Variants in ABLIM1 observed in about 807,000 individuals in gnomAD.
ABLIM1 encodes the protein actin-binding LIM protein 1.
Under a neutral mutation model 107.0 loss-of-function variants are expected in ABLIM1, and 40 were observed. That is an observed-to-expected ratio of 0.37 (90% CI 0.29 to 0.49). The LOEUF (loss-of-function observed/expected upper bound fraction) is 0.49, where lower values mean the gene tolerates loss of function less well. Ranked by LOEUF, ABLIM1 falls within the 20% of genes least tolerant of loss-of-function variation. The pLI, the probability that ABLIM1 is intolerant of heterozygous loss-of-function variation, is 0.97. For synonymous variants in ABLIM1, 357 were observed against 357.3 expected (o/e 1.00, Z 0.01); for missense variants, 857 against 1,008.5 (o/e 0.85, Z 2.04).
At chr10:114,644,572 G>C (rs2078931138) in intron 1 of ABLIM1, among the ~76,000 whole-genome samples, 1 of 151,760 alleles carries the variant, frequency 6.6e-6, no homozygotes, top group Admixed American at 6.6e-5. Flanking sequence ...TTGTGAGTAG[G>C]CACTGAGCCG....
At chr10:114,719,620 A>G (rs1414367873) in intron 1 of ABLIM1, among the ~76,000 whole-genome samples, 1 of 152,222 alleles carries the variant, frequency 6.6e-6, no homozygotes, top group Non-Finnish European at 1.5e-5. Flanking sequence ...CTCTGTGCCC[A>G]GGTTTAGATG....
intron 1 of ABLIM1, among the ~76,000 whole-genome samples, chr10:114,641,679 G>A (rs187755140): frequency 1.0e-3 from 153 of 152,242 alleles, no homozygotes; most frequent in Middle Eastern, 3.4e-3. Flanking sequence ...AGAATAAGCC[G>A]TGTAGATTCT....
At chr10:114,526,800 G>A in intron 6 of ABLIM1, 1 of 985,504 alleles carries the variant, frequency 1.0e-6, no homozygotes, top group Non-Finnish European at 1.2e-6. Flanking sequence ...GCTCCCACCT[G>A]CCTGGGTTAC....
At chr10:114,543,706 A>G (rs2066971680) in intron 6 of ABLIM1, among the ~76,000 whole-genome samples, 1 of 152,220 alleles carries the variant, frequency 6.6e-6, no homozygotes, top group South Asian at 2.1e-4. Flanking sequence ...CTTTTAGGGT[A>G]ACACCCAAAC....
intron 4 of ABLIM1, 86 bp from the exon 5 acceptor site, chr10:114,547,862 C>T (rs1205898216): frequency 6.7e-7 from 1 of 1,488,626 alleles, no homozygotes; most frequent in East Asian, 2.3e-5. Context: ...CACTGTGTGC[C>T]CATCACACAC....
chr10:114,473,555 A>G (rs2066986347), intron 9 of ABLIM1, among the ~76,000 whole-genome samples: 1 of 152,142 alleles, frequency 6.6e-6, no homozygotes, highest in East Asian at 1.9e-4. Context: ...TAAAATATAT[A>G]TTTAATCCCC....
rs961768031 is a variant in ABLIM1 at position 114,583,443 on chromosome 10, A to C, written c.380-7844T>G. On this transcript the variant is annotated intron_variant, in intron 2 of 22. Transcript: ENST00000533213. ...CACACACACACACACACACACACAC[A>C]CACACACACACACACACACACACAC... is the stretch of plus-strand genomic sequence containing the variant. Among the ~76,000 whole-genome samples, 5 of 36,290 alleles carry C rather than the reference A, an allele frequency of 1.4e-4. 1 individual carries two copies. The highest frequency in any genetic ancestry group is 2.2e-4 in the Non-Finnish European group (4 of 18,500). The allele number at this position is 36,290 out of a possible 152,430, so 23.8% of individuals were successfully genotyped here.
chr10:114,770,854 C>T (rs1429442692), upstream of ABLIM1, among the ~76,000 whole-genome samples: 1 of 152,168 alleles, frequency 6.6e-6, no homozygotes, highest in Non-Finnish European at 1.5e-5. Flanking sequence ...TTATTTGAGA[C>T]AGAGTCTCGC....
chr10:114,770,058 C>T (rs186836415), upstream of ABLIM1, among the ~76,000 whole-genome samples: 11 of 152,282 alleles, frequency 7.2e-5, no homozygotes, highest in African/African-American at 2.6e-4. Context: ...CCTCCACTGC[C>T]TCCCTACCAC....
intron 1 of ABLIM1, among the ~76,000 whole-genome samples, chr10:114,713,417 T>C (rs1218478406): frequency 6.6e-6 from 1 of 152,102 alleles, no homozygotes; most frequent in Non-Finnish European, 1.5e-5. Flanking sequence ...TTCACAGTAG[T>C]AAGATCCAAC....
chr10:114,437,099 A>C (rs1490035974), intron 22 of ABLIM1, among the ~76,000 whole-genome samples: 2 of 152,092 alleles, frequency 1.3e-5, no homozygotes, highest in African/African-American at 4.8e-5. Context: ...GTCCAGTATA[A>C]ATCAGTATAA....
intron 6 of ABLIM1, among the ~76,000 whole-genome samples, chr10:114,505,023 AG>A (rs2060937469): frequency 6.6e-6 from 1 of 152,196 alleles, no homozygotes; most frequent in African/African-American, 2.4e-5. Context: ...AGAATTCTAA[AG>A]GGGTATCTTC....
intron 1 of ABLIM1, among the ~76,000 whole-genome samples, chr10:114,753,519 C>T (rs183781087): frequency 1.3e-5 from 2 of 152,258 alleles, no homozygotes; most frequent in East Asian, 3.9e-4. Flanking sequence ...GTTATGCAGT[C>T]ATAAAACATG....
chr10:114,632,175 T>C, intron 1 of ABLIM1: 1 of 985,400 alleles, frequency 1.0e-6, no homozygotes, highest in Non-Finnish European at 1.2e-6. Context: ...GCTCGGGGAC[T>C]CTGCCCTGCG....
chr10:114,454,053 A>G (rs1054967055), intron 12 of ABLIM1, among the ~76,000 whole-genome samples: 4 of 152,188 alleles, frequency 2.6e-5, no homozygotes, highest in Admixed American at 6.5e-5. Flanking sequence ...TCACTTTGAA[A>G]TATATAAAAT....
At chr10:114,468,267 C>T (rs544052248) in intron 10 of ABLIM1, 51 bp from the exon 11 acceptor site, 73 of 1,568,184 alleles carry the variant, frequency 4.7e-5, no homozygotes, top group African/African-American at 6.7e-5. Context: ...AACTCTTTGC[C>T]GTTTTGTTTG....
At chr10:114,554,276 C>A (rs2497727) in intron 4 of ABLIM1, among the ~76,000 whole-genome samples, 56,144 of 151,680 alleles carry the variant, frequency 0.37, 13,665 homozygotes, top group African/African-American at 0.7. Flanking sequence ...GCCTCATTGC[C>A]GGTCTCCAAT....
upstream of ABLIM1, chr10:114,658,299 C>T (rs1207223673): frequency 2.0e-6 from 3 of 1,508,268 alleles, no homozygotes; most frequent in Non-Finnish European, 2.7e-6. Flanking sequence ...CTTACTGTCT[C>T]CTTTTCTCAC....
chr10:114,635,496 T>C (rs2078432924), intron 1 of ABLIM1, among the ~76,000 whole-genome samples: 1 of 152,228 alleles, frequency 6.6e-6, no homozygotes, highest in African/African-American at 2.4e-5. Flanking sequence ...AGGTGTCCAG[T>C]TGCTAACCCT....
Sources: allele counts gnomAD v4.1 joint callset (sites outside exome capture counted in the v4.1 genomes callset), GRCh38; gene constraint gnomAD v4.1.1; transcripts MANE v1.5; gene names NCBI Gene and HGNC (gene_info 2026-07-23, HGNC 2026-07-21).